PPFIBP1: variants seen among roughly 807,000 people sequenced by gnomAD.
PPFIBP1 encodes the protein PPFIB scaffold protein 1.
Under a neutral mutation model 137.8 loss-of-function variants are expected in PPFIBP1, and 112 were observed. The observed-to-expected ratio is 0.81, with a 90% CI of 0.70 to 0.95. The LOEUF is 0.95. Among genes scored for constraint, PPFIBP1 ranks in the 40% least tolerant of loss-of-function variants. The pLI is 0.00. For synonymous variants in PPFIBP1, 378 were observed against 417.3 expected (o/e 0.91, Z 1.15); for missense variants, 1,083 against 1,196.6 (o/e 0.91, Z 1.40).
At chr12:27,584,779 C>A (rs2051526752) in intron 2 of PPFIBP1, among the ~76,000 whole-genome samples, 1 of 152,310 alleles carries the variant, frequency 6.6e-6, no homozygotes, top group East Asian at 1.9e-4. Context: ...AGCCCTGCTG[C>A]CAGGCTTTGA....
At chr12:27,658,578 A>G (rs1286245583) in intron 9 of PPFIBP1, among the ~76,000 whole-genome samples, 9 of 152,250 alleles carry the variant, frequency 5.9e-5, no homozygotes, top group African/African-American at 2.2e-4. Context: ...ATCAAGGTCC[A>G]GAAAAATGAA....
At chr12:27,684,067 G>A (rs987191407) in intron 24 of PPFIBP1, among the ~76,000 whole-genome samples, 9 of 151,714 alleles carry the variant, frequency 5.9e-5, no homozygotes, top group Admixed American at 3.3e-4. Flanking sequence ...GATTACAGGC[G>A]TGAGCCACCG....
At chr12:27,564,327 T>C (rs2049450910) in intron 1 of PPFIBP1, among the ~76,000 whole-genome samples, 1 of 152,228 alleles carries the variant, frequency 6.6e-6, no homozygotes. Context: ...CAAATTTGTA[T>C]GTAAGGATAT....
rs572927214 is a variant in PPFIBP1 at position 27,598,679 on chromosome 12, A to G, written c.-36+20440A>G. ...TCATTTAGGTTTTTCTTTCTGAAGCATCATAGAAATAGCAATGACACGCAT... is the reference window on the plus strand; with the variant it reads ...TCATTTAGGTTTTTCTTTCTGAAGCGTCATAGAAATAGCAATGACACGCAT... On this transcript the variant is annotated intron_variant, in intron 2 of 29. Transcript: ENST00000228425. Among the ~76,000 whole-genome samples the G allele has an allele frequency of 1.8e-3, 269 of 152,330 alleles. 4 individuals are homozygous for G. The highest frequency in any genetic ancestry group is 2.2e-3 in the Non-Finnish European group (151 of 68,028).
chr12:27,619,385 A>AT (rs908992204), intron 2 of PPFIBP1, among the ~76,000 whole-genome samples: 13 of 151,590 alleles, frequency 8.6e-5, no homozygotes, highest in East Asian at 1.9e-4. Flanking sequence ...TCACAGACAC[A>AT]TTTTTTTTTC....
chr12:27,667,024 G>T, intron 12 of PPFIBP1, 142 bp from the exon 13 acceptor site: 1 of 825,122 alleles, frequency 1.2e-6, no homozygotes, highest in Non-Finnish European at 1.8e-6. Context: ...GTTTTTCAAG[G>T]GCTGCCAGGA....
intron 2 of PPFIBP1, among the ~76,000 whole-genome samples, chr12:27,580,443 GA>G (rs1206879554): frequency 2.0e-5 from 3 of 152,160 alleles, no homozygotes; most frequent in African/African-American, 7.2e-5. Flanking sequence ...GTAAAATGGG[GA>G]TGGTAAAATC....
chr12:27,525,354 C>A (rs1000112287), intron 1 of PPFIBP1, among the ~76,000 whole-genome samples: 2 of 151,666 alleles, frequency 1.3e-5, no homozygotes, highest in Admixed American at 6.6e-5. Context: ...TTGTTTATTT[C>A]CTATTTCAAA....
chr12:27,618,552 A>G (rs1230237526), intron 2 of PPFIBP1, among the ~76,000 whole-genome samples: 3 of 152,180 alleles, frequency 2.0e-5, no homozygotes, highest in Non-Finnish European at 4.4e-5. Context: ...TTTTCAACCA[A>G]TTGCCAATCA....
At chr12:27,648,898 A>T (rs549814202) in intron 6 of PPFIBP1, among the ~76,000 whole-genome samples, 13 of 152,290 alleles carry the variant, frequency 8.5e-5, no homozygotes, top group Non-Finnish European at 1.5e-4. Flanking sequence ...AAGGGGTACA[A>T]AATAATAGTT....
In PPFIBP1 at chr12:27,672,462, C is replaced by A; in HGVS notation, c.1298C>A (p.Thr433Asn). 6.2e-7 allele frequency: 1 copy of A among 1,608,692 alleles called. No homozygotes were observed. Among genetic ancestry groups the A allele is most frequent in the Non-Finnish European group, 8.5e-7 (1 of 1,175,650 alleles). The change falls in exon 15 of 30, where the codon ACC becomes AAC. Residue 433 changes from threonine to asparagine, a missense_variant. Physicochemically the swap from Thr to Asn is moderately conservative, Grantham distance 65. Transcript: ENST00000228425. ...ATAATCCTTGGTGCCACTGTTGATA[C>A]CCAACTGTGTGATAAACTTTTGTAA... ...GNIILGATVD[T>N]QLCDKLLTSS... is the part of the protein sequence containing the mutation.
chr12:27,649,823 A>G (rs2058766977), intron 6 of PPFIBP1, among the ~76,000 whole-genome samples, 187 bp from the exon 7 acceptor site: 1 of 152,200 alleles, frequency 6.6e-6, no homozygotes, highest in African/African-American at 2.4e-5. Flanking sequence ...AAGTGCTGGG[A>G]TTACAGGCAT....
intron 1 of PPFIBP1, among the ~76,000 whole-genome samples, chr12:27,566,312 C>G (rs2049664555): frequency 6.6e-6 from 1 of 151,240 alleles, no homozygotes; most frequent in Non-Finnish European, 1.5e-5. Flanking sequence ...ATGTCTCTCA[C>G]TTGAATGCTT....
At chr12:27,531,383 C>T (rs377393906) in intron 1 of PPFIBP1, among the ~76,000 whole-genome samples, 1 of 152,106 alleles carries the variant, frequency 6.6e-6, no homozygotes, top group African/African-American at 2.4e-5. Context: ...ACCTCCACCT[C>T]CTGGGTTCAA....
At chr12:27,597,228 C>T (rs900171264) in intron 2 of PPFIBP1, among the ~76,000 whole-genome samples, 55 of 152,212 alleles carry the variant, frequency 3.6e-4, no homozygotes, top group Admixed American at 2.7e-3. Context: ...AGTGCAGTGG[C>T]ACGATCTCGG....
At chr12:27,671,671 C>A in intron 14 of PPFIBP1, 125 bp downstream of exon 14, 1 of 578,734 alleles carries the variant, frequency 1.7e-6, no homozygotes, top group Non-Finnish European at 3.1e-6. Context: ...GCAAGATGTC[C>A]ACTGGGGGAT....
At chr12:27,626,179 A>G (rs571836959) in intron 2 of PPFIBP1, among the ~76,000 whole-genome samples, 1 of 152,304 alleles carries the variant, frequency 6.6e-6, no homozygotes, top group Non-Finnish European at 1.5e-5. Context: ...GATGACAGAT[A>G]CAGAGCAGAG....
chr12:27,688,499 G>T, intron 26 of PPFIBP1, 76 bp downstream of exon 26: 7 of 1,547,800 alleles, frequency 4.5e-6, no homozygotes, highest in Non-Finnish European at 6.1e-6. Flanking sequence ...ATCAATTTTT[G>T]CTTATCATAA....
At chr12:27,546,732 G>T (rs1055233198) in intron 1 of PPFIBP1, among the ~76,000 whole-genome samples, 3 of 152,184 alleles carry the variant, frequency 2.0e-5, no homozygotes, top group African/African-American at 7.2e-5. Context: ...TGGAACATTG[G>T]CTGGCTGCAG....
Sources: gnomAD v4.1 joint callset for allele counts (sites outside exome capture counted in the v4.1 genomes callset) on GRCh38, gnomAD v4.1.1 for gene constraint, MANE v1.5 for transcripts, NCBI Gene and HGNC (gene_info 2026-07-23, HGNC 2026-07-21) for gene names.